The following ULK4 variants were observed in gnomAD, a reference collection of about 807,000 sequenced individuals.
The protein encoded by ULK4 is inactive serine/threonine-protein kinase ULK4.
A neutral mutation model predicts 160.6 loss-of-function variants in ULK4; 133 were observed. The observed-to-expected ratio is 0.83, with a 90% CI of 0.72 to 0.96. The LOEUF is 0.96. Among genes scored for constraint, ULK4 ranks in the 40% least tolerant of loss-of-function variants. ULK4 has a pLI of 0.00. For missense variants in ULK4, 1,580 were observed against 1,499.5 expected, an observed-to-expected ratio of 1.05 and a Z score of -0.89; for synonymous variants, 534 against 539.8, an observed-to-expected ratio of 0.99 and a Z score of 0.15.
At chr3:41,584,197 T>C (rs2030609662) in intron 31 of ULK4, among the ~76,000 whole-genome samples, 1 of 152,222 alleles carries the variant, frequency 6.6e-6, no homozygotes, top group African/African-American at 2.4e-5. Flanking sequence ...CCCTGTCTTC[T>C]AACTTTGTAT....
chr3:41,294,646 A>C (rs973342390), intron 35 of ULK4, among the ~76,000 whole-genome samples: 1 of 152,214 alleles, frequency 6.6e-6, no homozygotes, highest in Non-Finnish European at 1.5e-5. Flanking sequence ...AACACACTGA[A>C]CCAAAACGTA....
intron 29 of ULK4, among the ~76,000 whole-genome samples, chr3:41,673,611 T>A (rs1235015941): frequency 1.3e-5 from 2 of 152,180 alleles, no homozygotes; most frequent in Non-Finnish European, 2.9e-5. Flanking sequence ...TGCCATACTG[T>A]CATAAAAATA....
intron 27 of ULK4, among the ~76,000 whole-genome samples, chr3:41,692,996 T>C (rs890386732): frequency 3.3e-5 from 5 of 152,254 alleles, no homozygotes; most frequent in African/African-American, 9.6e-5. Flanking sequence ...CTGGGACATT[T>C]AAGCTAAATA....
At chr3:41,316,717 A>G (rs1389098135) in intron 35 of ULK4, among the ~76,000 whole-genome samples, 1 of 152,182 alleles carries the variant, frequency 6.6e-6, no homozygotes, top group Non-Finnish European at 1.5e-5. Flanking sequence ...CTGCACATGT[A>G]CCCTCTGTAT....
intron 12 of ULK4, among the ~76,000 whole-genome samples, chr3:41,901,172 C>T (rs60664243): frequency 0.047 from 5,552 of 117,944 alleles, 467 homozygotes; most frequent in Middle Eastern, 0.097. Flanking sequence ...AGCATGGCTT[C>T]TTTTTTTTTT....
At chr3:41,641,503 T>C (rs1218268870) in intron 30 of ULK4, among the ~76,000 whole-genome samples, 1 of 152,028 alleles carries the variant, frequency 6.6e-6, no homozygotes, top group East Asian at 1.9e-4. Context: ...TCAAGACCAC[T>C]CTGGGCAACA....
Position 41,663,696 on chromosome 3 carries a change from A to T in ULK4, c.2982T>A (p.Tyr994Ter), listed in dbSNP as rs764464513. ...ALIRDVLLPQ[Y>*]EHILLEPDPV... The stretch of plus-strand genomic sequence containing the variant: ...GGTCAGGTTCTAAAAGAATGTGCTC[A>T]TACCTGAAATGGTAAAGACATTTAA... The change falls in exon 30 of 37, where the codon TAT becomes TAA. Residue 994 changes from tyrosine (Y) to a stop codon, truncating the protein, a stop_gained. Coordinates refer to ENST00000301831, the MANE Select transcript of ULK4 (RefSeq NM_017886.4). LOFTEE classifies it high-confidence loss of function. 1.9e-6 allele frequency: 3 copies of T among 1,613,316 alleles called. No individual in the cohort carries two copies. The African/African-American group carries it at 4.0e-5, about 22-fold the overall frequency.
At position 41,791,554 on chromosome 3, in the gene ULK4, A is replaced by G. The variant is rs138087195; in HGVS notation, c.2011-1711T>C. Among the ~76,000 whole-genome samples the G allele has an allele frequency of 6.3e-3, 952 of 152,302 alleles. 7 individuals are homozygous for G. Among genetic ancestry groups the G allele is most frequent in the African/African-American group, 0.021 (887 of 41,568 alleles). On this transcript the variant is annotated intron_variant, in intron 20 of 36. Coordinates refer to ENST00000301831, the MANE Select transcript of ULK4 (RefSeq NM_017886.4). ...TTCCTCTTGAGGGCAGGACTGAGAG[A>G]TGGGAGGTAGGAATGGGGCCACGAA...
chr3:41,925,374 C>A (rs1032836592), intron 5 of ULK4, among the ~76,000 whole-genome samples: 9 of 152,228 alleles, frequency 5.9e-5, no homozygotes, highest in East Asian at 3.9e-4. Flanking sequence ...CTCCGGCCCA[C>A]ATACTGCATT....
chr3:41,915,840 T>TTCAATA lies in ULK4; in HGVS notation c.803+136_803+137insTATTGA, dbSNP rs1353168791. The TTCAATA allele has an allele frequency of 1.0e-5, 6 of 573,752 alleles. No homozygotes were observed. In the South Asian group the frequency reaches 1.5e-4, roughly 14 times the overall value. 35.5% of individuals were successfully genotyped at this position (573,752 alleles called of 1,614,324 possible). ...ATAATAATTTGAATAGCTATTTGTATATTAAGAACAGCACCATTTTAGAAG... is the reference window on the plus strand; with the variant it reads ...ATAATAATTTGAATAGCTATTTGTATTCAATAATTAAGAACAGCACCATTTTAGAAG... On this transcript the variant is annotated intron_variant, in intron 8 of 36. Transcript: ENST00000301831.
rs149823439 is a variant in ULK4 at position 41,775,807 on chromosome 3, A to G, written c.2193+13854T>C. On this transcript the variant is annotated intron_variant, in intron 21 of 36. Coordinates refer to ENST00000301831, the MANE Select transcript of ULK4 (RefSeq NM_017886.4). ...TTCTGCAGCTTGCCTTTTTTCACTC[A>G]AAGTTTTCTTTATGAGATTTATCCA... Among the ~76,000 whole-genome samples, 148 of 150,806 alleles carry G rather than the reference A, an allele frequency of 9.8e-4. 4 individuals are homozygous for G. The East Asian group carries it at 0.027, about 28-fold the overall frequency.
chr3:41,506,767 A>AAAAAAAAAAAAAAATATATATAAATAT, intron 32 of ULK4, among the ~76,000 whole-genome samples: 9 of 56,792 alleles, frequency 1.6e-4, no homozygotes, highest in South Asian at 1.3e-3. Context: ...TGTGATTTAA[A>AAAAAAAAAAAAAAATATATATAAATAT]ATATATATAT....
chr3:41,577,237 C>A (rs898243861), intron 31 of ULK4, among the ~76,000 whole-genome samples: 1 of 152,176 alleles, frequency 6.6e-6, no homozygotes, highest in Non-Finnish European at 1.5e-5. Flanking sequence ...CCTTGGCCTG[C>A]CCCAAACCAG....
intron 29 of ULK4, among the ~76,000 whole-genome samples, 185 bp from the exon 30 acceptor site, chr3:41,663,884 T>C (rs906348537): frequency 3.9e-5 from 6 of 152,210 alleles, no homozygotes; most frequent in Non-Finnish European, 7.3e-5. Flanking sequence ...TATGCTCTAT[T>C]GAAATAAGAG....
At chr3:41,811,934 G>A (rs1361320420) in intron 19 of ULK4, among the ~76,000 whole-genome samples, 3 of 152,150 alleles carry the variant, frequency 2.0e-5, no homozygotes, top group Admixed American at 1.3e-4. Flanking sequence ...GAGAAATTAT[G>A]ACACTCTTTT....
intron 2 of ULK4, among the ~76,000 whole-genome samples, chr3:41,953,301 TATA>T (rs1230548853): frequency 9.1e-6 from 1 of 109,448 alleles, no homozygotes; most frequent in African/African-American, 4.2e-5. Flanking sequence ...TATATATATA[TATA>T]TTTTTTTTTT....
intron 35 of ULK4, among the ~76,000 whole-genome samples, chr3:41,315,188 A>G (rs999591007): frequency 5.3e-5 from 8 of 152,158 alleles, no homozygotes; most frequent in South Asian, 2.1e-4. Flanking sequence ...TCTACATTCA[A>G]TCTGCTGGGA....
chr3:41,926,693 C>T (rs919714375), intron 5 of ULK4, among the ~76,000 whole-genome samples: 2 of 151,230 alleles, frequency 1.3e-5, no homozygotes, highest in Non-Finnish European at 2.9e-5. Flanking sequence ...ACGAGAACTT[C>T]ATGAAGCACA....
chr3:41,868,650 C>T (rs985618386), intron 17 of ULK4, among the ~76,000 whole-genome samples: 2 of 140,686 alleles, frequency 1.4e-5, no homozygotes, highest in African/African-American at 3.1e-5. Flanking sequence ...CCATCATATC[C>T]ACCTAATTTT....
Sources: allele counts gnomAD v4.1 joint callset (sites outside exome capture counted in the v4.1 genomes callset), GRCh38; gene constraint gnomAD v4.1.1; transcripts MANE v1.5; gene names NCBI Gene and HGNC (gene_info 2026-07-23, HGNC 2026-07-21).